ADARB2: variants seen among roughly 807,000 people sequenced by gnomAD.
The protein encoded by ADARB2 is adenosine deaminase RNA specific B2 (inactive), also known as inactive double-stranded RNA-specific editase B2.
A neutral mutation model predicts 62.2 loss-of-function variants in ADARB2; 25 were observed. The observed-to-expected ratio is 0.40, with a 90% CI of 0.29 to 0.56. ADARB2 has a LOEUF of 0.56. Among genes scored for constraint, ADARB2 ranks in the 20% least tolerant of loss-of-function variants. The pLI is 0.43. For synonymous variants in ADARB2, 572 were observed against 500.8 expected (o/e 1.14, Z -1.90); for missense variants, 1,071 against 1,077.4 (o/e 0.99, Z 0.08).
At chr10:1,689,265 T>C (rs955493166) in intron 1 of ADARB2, among the ~76,000 whole-genome samples, 1 of 152,126 alleles carries the variant, frequency 6.6e-6, no homozygotes, top group Non-Finnish European at 1.5e-5. Flanking sequence ...TGATGAGACG[T>C]TGAATTGTTT....
chr10:1,214,127 A>G (rs999620295), intron 7 of ADARB2, among the ~76,000 whole-genome samples: 16 of 92,510 alleles, frequency 1.7e-4, no homozygotes, highest in Admixed American at 1.1e-3. Flanking sequence ...GTCCAGCGTC[A>G]TGTAGGTTTG....
intron 1 of ADARB2, among the ~76,000 whole-genome samples, chr10:1,436,078 A>T (rs1035967772): frequency 1.6e-4 from 25 of 152,100 alleles, no homozygotes; most frequent in African/African-American, 6.0e-4. Context: ...CTTTTGTAAT[A>T]TAACTTCATT....
At chr10:1,660,099 C>T (rs544625790) in intron 1 of ADARB2, among the ~76,000 whole-genome samples, 25 of 152,100 alleles carry the variant, frequency 1.6e-4, no homozygotes, top group East Asian at 5.8e-4. Flanking sequence ...CTGGTTCATC[C>T]GCCTGCCTTC....
At chr10:1,690,828 C>T (rs1025279395) in intron 1 of ADARB2, among the ~76,000 whole-genome samples, 1 of 152,212 alleles carries the variant, frequency 6.6e-6, no homozygotes, top group African/African-American at 2.4e-5. Flanking sequence ...GCCGGGTCTC[C>T]CCGATCCTCC....
chr10:1,263,067 TG>T (rs1284082293), intron 4 of ADARB2, among the ~76,000 whole-genome samples: 1 of 133,074 alleles, frequency 7.5e-6, no homozygotes, highest in Admixed American at 9.1e-5. Context: ...CACTCATAGG[TG>T]GGAATTGAAC....
intron 3 of ADARB2, among the ~76,000 whole-genome samples, chr10:1,279,051 C>T (rs1831347110): frequency 6.6e-6 from 1 of 151,946 alleles, no homozygotes; most frequent in Admixed American, 6.6e-5. Context: ...CATTTTTTTC[C>T]CCAACCTTTT....
intron 1 of ADARB2, among the ~76,000 whole-genome samples, chr10:1,507,271 T>C (rs1831864047): frequency 6.6e-6 from 1 of 152,158 alleles, no homozygotes; most frequent in Non-Finnish European, 1.5e-5. Context: ...GTGCTGGCTG[T>C]AGAAGAGGAG....
chr10:1,331,007 A>AAATGTCTC (rs1343921178), intron 3 of ADARB2, among the ~76,000 whole-genome samples: 11 of 152,262 alleles, frequency 7.2e-5, no homozygotes, highest in African/African-American at 2.7e-4. Context: ...TAGAAATGGC[A>AAATGTCTC]AATGGTACAT....
intron 1 of ADARB2, among the ~76,000 whole-genome samples, chr10:1,403,739 C>T (rs1444822645): frequency 3.9e-5 from 6 of 152,190 alleles, no homozygotes; most frequent in Non-Finnish European, 8.8e-5. Flanking sequence ...GGACAAGTTC[C>T]TCTGTAACCC....
intron 7 of ADARB2, among the ~76,000 whole-genome samples, chr10:1,214,291 G>A (rs575214051): frequency 2.7e-5 from 4 of 150,128 alleles, no homozygotes; most frequent in Middle Eastern, 3.2e-3. Context: ...ACCTTCTGGC[G>A]TTGTGTAGGT....
At chr10:1,615,688 T>G (rs771097330) in intron 1 of ADARB2, among the ~76,000 whole-genome samples, 18 of 152,126 alleles carry the variant, frequency 1.2e-4, no homozygotes, top group Admixed American at 2.0e-4. Flanking sequence ...GCAAAGGAGG[T>G]TTTCCTCTAC....
At chr10:1,602,252 G>C (rs911451165) in intron 1 of ADARB2, among the ~76,000 whole-genome samples, 2 of 152,302 alleles carry the variant, frequency 1.3e-5, no homozygotes, top group Non-Finnish European at 2.9e-5. Flanking sequence ...AGGCCAGTAG[G>C]GTGGAGGAGC....
intron 3 of ADARB2, among the ~76,000 whole-genome samples, chr10:1,313,231 G>C (rs1043845235): frequency 2.0e-5 from 3 of 152,144 alleles, no homozygotes; most frequent in African/African-American, 7.2e-5. Flanking sequence ...GGGTGAAGGG[G>C]GATGGGCCCT....
intron 1 of ADARB2, among the ~76,000 whole-genome samples, chr10:1,658,278 G>C (rs1564360382): frequency 6.8e-6 from 1 of 147,640 alleles, no homozygotes; most frequent in Non-Finnish European, 1.5e-5. Context: ...GTTTTTCTCT[G>C]TCTCTCTCTC....
chr10:1,184,739 GGCGCT>G, intron 9 of ADARB2, 117 bp downstream of exon 9: 1 of 1,117,982 alleles, frequency 8.9e-7, no homozygotes, highest in Non-Finnish European at 1.2e-6. Flanking sequence ...ACATGTGATG[GGCGCT>G]GTGTCGTGCA....
At chr10:1,712,647 C>A (rs1158104340) in intron 1 of ADARB2, among the ~76,000 whole-genome samples, 3 of 514 alleles carry the variant, frequency 5.8e-3, no homozygotes, top group African/African-American at 0.018. Context: ...CCCTCTGTCC[C>A]CCAGGGAAGG....
At chr10:1,530,736 T>C (rs1040816479) in intron 1 of ADARB2, among the ~76,000 whole-genome samples, 8 of 152,244 alleles carry the variant, frequency 5.3e-5, no homozygotes, top group African/African-American at 1.9e-4. Flanking sequence ...GCTCACGGCA[T>C]CTCTGGGTTC....
chr10:1,687,950 C>T (rs758584679), intron 1 of ADARB2, among the ~76,000 whole-genome samples: 2 of 152,166 alleles, frequency 1.3e-5, no homozygotes, highest in African/African-American at 2.4e-5. Context: ...TCACATATGC[C>T]GTTGGATTCA....
At chr10:1,449,748 T>C (rs574103697) in intron 1 of ADARB2, among the ~76,000 whole-genome samples, 3 of 152,316 alleles carry the variant, frequency 2.0e-5, no homozygotes, top group East Asian at 1.9e-4. Flanking sequence ...TCCCTCCAGA[T>C]TGAAATATAG....
Sources: gnomAD v4.1 joint callset for allele counts (sites outside exome capture counted in the v4.1 genomes callset) on GRCh38, gnomAD v4.1.1 for gene constraint, MANE v1.5 for transcripts, NCBI Gene and HGNC (gene_info 2026-07-23, HGNC 2026-07-21) for gene names.